The following ERVK3-1 variants were observed in gnomAD, a reference collection of about 807,000 sequenced individuals.
ERVK3-1 encodes endogenous retrovirus group K3 member 1.
chr19:58,312,581 G>A lies in ERVK3-1; in HGVS notation c.294+119G>A. 2.5e-6 allele frequency: 1 copy of A among 398,416 alleles called. No homozygotes were observed. Among genetic ancestry groups the A allele is most frequent in the East Asian group, 3.6e-5 (1 of 28,048 alleles). 24.7% of individuals were successfully genotyped at this position (398,416 alleles called of 1,614,324 possible). A position where few individuals can be genotyped will look rare whatever the true frequency, so the allele number is the denominator to read the frequency against. ...GAGATATATTATGATCAGGGAGCGT[G>A]GGCACCAGGACCCCTAACTCCGTCT... is the stretch of plus-strand genomic sequence containing the variant. On this transcript the variant is annotated intron_variant, in intron 3 of 3. Coordinates refer to ENST00000413518, the Ensembl canonical transcript of ERVK3-1. This position sits in a 1 kb window ranked among gnomAD's most constrained non-coding sequence, Gnocchi z 4.7.
intron 2 of ERVK3-1, among the ~76,000 whole-genome samples, chr19:58,307,677 G>A (rs563967977): frequency 6.0e-5 from 7 of 117,088 alleles, no homozygotes; most frequent in South Asian, 3.0e-4. Flanking sequence ...CTTTGCCCTC[G>A]CCGTAATAAA....
chr19:58,314,524 G>C (rs893436563), intron 3 of ERVK3-1, among the ~76,000 whole-genome samples: 3 of 151,562 alleles, frequency 2.0e-5, no homozygotes, highest in African/African-American at 7.3e-5. Context: ...CTAATCAGGA[G>C]GCTGAGGTGG....
At chr19:58,315,467 G>A (rs2051586707) in exon 4 of ERVK3-1, 1 of 152,168 alleles carries the variant, frequency 6.6e-6, no homozygotes, top group South Asian at 2.1e-4. Context: ...CTTGTGTCTG[G>A]CTTTTTACCA....
intron 3 of ERVK3-1, 121 bp from the exon 4 acceptor site, chr19:58,314,625 TCA>T (rs2051578723): frequency 5.1e-6 from 1 of 195,766 alleles, no homozygotes; most frequent in African/African-American, 8.7e-5. Flanking sequence ...AGACTCCATC[TCA>T]AAAAAAAAAA....
chr19:58,307,607 GC>G (rs1394614577), intron 2 of ERVK3-1, among the ~76,000 whole-genome samples: 8 of 138,040 alleles, frequency 5.8e-5, no homozygotes, highest in African/African-American at 9.9e-5. Context: ...ATGCAATACC[GC>G]CCCCCCCTCC....
At chr19:58,309,793 A>G (rs1044917282) in intron 2 of ERVK3-1, 1 of 152,234 alleles carries the variant, frequency 6.6e-6, no homozygotes, top group African/African-American at 2.4e-5. Flanking sequence ...CACACAACTT[A>G]TAACAATAGG....
rs1029434068 is a variant in ERVK3-1, at chr19:58,312,248, T to G, written c.80T>G (p.Val27Gly). The change falls in exon 3 of 4, where the codon GTG (valine) becomes GGG (glycine). Residue 27 changes from valine to glycine, a missense_variant. Physicochemically the swap from Val to Gly is moderately radical, Grantham distance 109 (BLOSUM62 -3). Coordinates refer to ENST00000413518, the Ensembl canonical transcript of ERVK3-1. The surrounding 1 kb of genome is among the most constrained non-coding windows in gnomAD (Gnocchi z 4.7). ...CGGAGGGATCCATGGTATTCAACCGTGGGCCTGTTACCTCCAGTACGAGCC... is the reference window on the plus strand; with the variant it reads ...CGGAGGGATCCATGGTATTCAACCGGGGGCCTGTTACCTCCAGTACGAGCC... 1.0e-5 allele frequency: 4 copies of G among 400,134 alleles called. No homozygotes were observed. Among genetic ancestry groups the G allele is most frequent in the African/African-American group, 8.2e-5 (4 of 48,736 alleles). 24.8% of individuals were successfully genotyped at this position (400,134 alleles called of 1,614,324 possible). A position where few individuals can be genotyped will look rare whatever the true frequency, so the allele number is the denominator to read the frequency against.
downstream of ERVK3-1, among the ~76,000 whole-genome samples, chr19:58,316,523 T>C (rs1447008189): frequency 1.3e-5 from 2 of 151,932 alleles, no homozygotes; most frequent in Non-Finnish European, 2.9e-5. Flanking sequence ...TACAAAAAAT[T>C]AGCTGGGCGT....
At chr19:58,315,013 G>C (rs914973992) in exon 4 of ERVK3-1, 45 of 376,522 alleles carry the variant, frequency 1.2e-4, no homozygotes, top group African/African-American at 8.7e-4. Flanking sequence ...GCTCCTTGAG[G>C]TTATCCACAG....
At chr19:58,306,009 G>C (rs1012241556) in intron 1 of ERVK3-1, 79 bp from the exon 2 acceptor site, 1 of 152,266 alleles carries the variant, frequency 6.6e-6, no homozygotes, top group African/African-American at 2.4e-5. Flanking sequence ...GAATCTAGGA[G>C]CCCCCTGACC....
At position 58,310,157 on chromosome 19, in the gene ERVK3-1, A is replaced by C. The variant is rs1479788818; in HGVS notation, c.-3-2009A>C. On this transcript the variant is annotated intron_variant, in intron 2 of 3. Transcript: ENST00000413518. This position sits in a 1 kb window ranked among gnomAD's most constrained non-coding sequence, Gnocchi z 4.7. ...CACTCTGAATTAATGGCAGTTATTC[A>C]AGTTTTAAAGCTCACAGCTTTATTT... 6.6e-6 allele frequency: 1 copy of C among 152,204 alleles called. No homozygotes were observed. The highest frequency in any genetic ancestry group is 1.5e-5 in the Non-Finnish European group (1 of 68,042). 9.4% of individuals were successfully genotyped at this position (152,204 alleles called of 1,614,324 possible).
chr19:58,314,353 G>A (rs1175715047), intron 3 of ERVK3-1, among the ~76,000 whole-genome samples: 1 of 151,634 alleles, frequency 6.6e-6, no homozygotes, highest in African/African-American at 2.4e-5. Flanking sequence ...CTGGCCGGGT[G>A]CGGTGGCTCA....
chr19:58,307,609 C>T (rs1199689277), intron 2 of ERVK3-1, among the ~76,000 whole-genome samples: 1 of 149,084 alleles, frequency 6.7e-6, no homozygotes, highest in African/African-American at 2.6e-5. Context: ...GCAATACCGC[C>T]CCCCCCTCCC....
chr19:58,305,720 G>T (rs555359106), intron 1 of ERVK3-1, among the ~76,000 whole-genome samples: 3 of 152,300 alleles, frequency 2.0e-5, no homozygotes, highest in Non-Finnish European at 4.4e-5. Flanking sequence ...TATACCACTG[G>T]AGGCTCTATG....
At chr19:58,309,269 G>A (rs2147969389) in intron 2 of ERVK3-1, 1 of 152,298 alleles carries the variant, frequency 6.6e-6, no homozygotes, top group East Asian at 1.9e-4. Context: ...TACAGATCAA[G>A]TATTATACCA....
chr19:58,315,019 C>T (rs946449420), exon 4 of ERVK3-1: 55 of 374,256 alleles, frequency 1.5e-4, no homozygotes, highest in African/African-American at 2.7e-4. Flanking sequence ...TGAGGTTATC[C>T]ACAGGAACAT....
chr19:58,315,148 G>T, exon 4 of ERVK3-1: 1 of 189,950 alleles, frequency 5.3e-6, no homozygotes, highest in Admixed American at 6.1e-5. Context: ...GGCTGTAAAA[G>T]CTCAGGTCCC....
At chr19:58,307,680 G>A (rs534258984) in intron 2 of ERVK3-1, among the ~76,000 whole-genome samples, 6 of 123,574 alleles carry the variant, frequency 4.9e-5, no homozygotes, top group South Asian at 2.8e-4. Flanking sequence ...TGCCCTCGCC[G>A]TAATAAAGGA....
chr19:58,308,377 GAACAGCTCAAAGTGTTT>G (rs1323002438), intron 2 of ERVK3-1, among the ~76,000 whole-genome samples: 3 of 152,226 alleles, frequency 2.0e-5, no homozygotes, highest in African/African-American at 7.2e-5. Context: ...GTGGGAGTAG[GAACAGCTCAAAGTGTTT>G]AACAGAGTGC....
Sources: allele counts gnomAD v4.1 joint callset (sites outside exome capture counted in the v4.1 genomes callset), GRCh38; gene constraint gnomAD v4.1.1; non-coding constraint Gnocchi (gnomAD v3.1); transcripts MANE v1.5; gene names NCBI Gene and HGNC (gene_info 2026-07-23, HGNC 2026-07-21).